PLS1: variants seen among roughly 807,000 people sequenced by gnomAD.
PLS1 encodes the protein plastin 1.
PLS1 carries 32 observed loss-of-function variants against 73.7 expected under a neutral mutation model. The ratio of observed to expected loss-of-function variants is 0.43; its 90% CI spans 0.33 to 0.58. PLS1 has a LOEUF of 0.58. Among genes scored for constraint, PLS1 ranks in the 20% least tolerant of loss-of-function variants. PLS1 has a pLI of 0.04. For missense variants in PLS1, 633 were observed against 740.5 expected (o/e 0.85, Z 1.68); for synonymous variants, 217 against 261.3 (o/e 0.83, Z 1.63).
intron 8 of PLS1, among the ~76,000 whole-genome samples, chr3:142,686,041 G>A (rs1458148171): frequency 3.9e-5 from 6 of 152,152 alleles, no homozygotes; most frequent in Non-Finnish European, 8.8e-5. Context: ...AAAAGTAAGG[G>A]AGGGTATCCA....
intron 1 of PLS1, among the ~76,000 whole-genome samples, chr3:142,641,201 T>TAA (rs2108612902): frequency 6.9e-6 from 1 of 145,720 alleles, no homozygotes; most frequent in Non-Finnish European, 1.5e-5. Flanking sequence ...TCTGTCTATA[T>TAA]TATATCTATA....
chr3:142,633,180 C>T (rs952968141), intron 1 of PLS1, among the ~76,000 whole-genome samples: 19 of 151,984 alleles, frequency 1.3e-4, no homozygotes, highest in African/African-American at 4.1e-4. Context: ...GTAGAGTAGT[C>T]GAAATCACAG....
At chr3:142,662,939 T>TGGCTCAGC (rs1319841099) in intron 1 of PLS1, among the ~76,000 whole-genome samples, 4 of 152,038 alleles carry the variant, frequency 2.6e-5, no homozygotes, top group African/African-American at 7.2e-5. Flanking sequence ...CCGGGCTCAG[T>TGGCTCAGC]GGCTCAGCGT....
At chr3:142,603,138 G>A (rs1015342785) in intron 1 of PLS1, among the ~76,000 whole-genome samples, 12 of 152,202 alleles carry the variant, frequency 7.9e-5, no homozygotes, top group Non-Finnish European at 1.5e-5. Flanking sequence ...AAACTTTGCT[G>A]ACATGTAAGG....
intron 1 of PLS1, among the ~76,000 whole-genome samples, chr3:142,598,141 G>C (rs1221927951): frequency 2.0e-5 from 3 of 152,102 alleles, no homozygotes; most frequent in African/African-American, 7.2e-5. Flanking sequence ...GAACCCTATA[G>C]CACTTACTAC....
chr3:142,604,832 G>A (rs2035990426), intron 1 of PLS1, among the ~76,000 whole-genome samples: 1 of 151,816 alleles, frequency 6.6e-6, no homozygotes, highest in Non-Finnish European at 1.5e-5. Context: ...CTACTCAGGA[G>A]ACTGAGGCAG....
rs182063635 is a variant in PLS1, at chr3:142,617,914, G to A, written c.-37+21405G>A. On this transcript the variant is annotated intron_variant, in intron 1 of 15. Transcript: ENST00000457734. Reference sequence around the variant, plus strand: ...AATAGCTTGAACCCAGGAGGCAGACGTTGCAGTGAGCTGAGATCGTGCCAC... The same window carrying A: ...AATAGCTTGAACCCAGGAGGCAGACATTGCAGTGAGCTGAGATCGTGCCAC... Among the ~76,000 whole-genome samples, 28 of 152,270 alleles carry A rather than the reference G, an allele frequency of 1.8e-4. No homozygotes were observed. The East Asian group carries it at 4.2e-3, about 23-fold the overall frequency.
intron 1 of PLS1, among the ~76,000 whole-genome samples, chr3:142,635,043 C>T (rs779379239): frequency 1.3e-5 from 2 of 151,932 alleles, no homozygotes; most frequent in Non-Finnish European, 1.5e-5. Flanking sequence ...CAACCTTAGC[C>T]TCCCAAGTAG....
At chr3:142,694,430 T>G (rs2038150804) in intron 10 of PLS1, 39 bp from the exon 11 acceptor site, 2 of 1,313,492 alleles carry the variant, frequency 1.5e-6, no homozygotes, top group East Asian at 4.7e-5. Flanking sequence ...CTGGTTCCTT[T>G]TGTCCTGAGT....
chr3:142,711,652 T>A (rs1357413199), intron 15 of PLS1, 27 bp downstream of exon 15: 1 of 1,561,894 alleles, frequency 6.4e-7, no homozygotes, highest in Admixed American at 1.8e-5. Context: ...TATATTACAA[T>A]ACATGGCCCT....
chr3:142,707,168 G>C (rs975700082), intron 14 of PLS1, among the ~76,000 whole-genome samples: 6 of 152,182 alleles, frequency 3.9e-5, no homozygotes, highest in Admixed American at 2.0e-4. Flanking sequence ...TTTAAAGAGA[G>C]TGCAAATGGT....
At chr3:142,657,646 C>T (rs567213924) in intron 1 of PLS1, among the ~76,000 whole-genome samples, 2 of 152,186 alleles carry the variant, frequency 1.3e-5, no homozygotes, top group Admixed American at 6.5e-5. Context: ...TGTGCCACCA[C>T]ACCTGGCTAA....
chr3:142,672,846 A>G (rs1338301876), intron 4 of PLS1, among the ~76,000 whole-genome samples: 2 of 152,188 alleles, frequency 1.3e-5, no homozygotes, highest in Non-Finnish European at 2.9e-5. Context: ...ATAGTTGTGC[A>G]ATTGTCATCA....
intron 14 of PLS1, among the ~76,000 whole-genome samples, chr3:142,710,439 T>A (rs542263238): frequency 1.3e-5 from 2 of 152,294 alleles, no homozygotes; most frequent in Admixed American, 1.3e-4. Context: ...TTTTAGACCT[T>A]TTTTTCCGTT....
At chr3:142,629,005 A>G (rs945238478) in intron 1 of PLS1, among the ~76,000 whole-genome samples, 3 of 152,202 alleles carry the variant, frequency 2.0e-5, no homozygotes, top group Non-Finnish European at 4.4e-5. Flanking sequence ...TAGATTGAAT[A>G]GTGATCATGT....
chr3:142,676,405 C>A, intron 5 of PLS1, 116 bp downstream of exon 5: 2 of 944,672 alleles, frequency 2.1e-6, no homozygotes, highest in South Asian at 1.7e-5. Context: ...CTACTTAGGT[C>A]ATGAGGAATT....
chr3:142,677,643 T>TA (rs950006215), intron 5 of PLS1, among the ~76,000 whole-genome samples: 35 of 147,340 alleles, frequency 2.4e-4, no homozygotes, highest in African/African-American at 7.0e-4. Flanking sequence ...GACTCCCTCT[T>TA]AAAAAAAAAA....
intron 8 of PLS1, among the ~76,000 whole-genome samples, chr3:142,684,849 C>G (rs2037930341): frequency 6.6e-6 from 1 of 152,174 alleles, no homozygotes; most frequent in Non-Finnish European, 1.5e-5. Context: ...AGGTATGTGC[C>G]TTAACCAGGG....
chr3:142,600,601 T>C (rs2035895886), intron 1 of PLS1, among the ~76,000 whole-genome samples: 1 of 152,014 alleles, frequency 6.6e-6, no homozygotes, highest in African/African-American at 2.4e-5. Context: ...GAATATTTGT[T>C]TACTTGGAAC....
Sources: allele counts gnomAD v4.1 joint callset (sites outside exome capture counted in the v4.1 genomes callset), GRCh38; gene constraint gnomAD v4.1.1; transcripts MANE v1.5; gene names NCBI Gene and HGNC (gene_info 2026-07-23, HGNC 2026-07-21).